The following SPG11 variants were observed in gnomAD, a reference collection of about 807,000 sequenced individuals.
The protein encoded by SPG11 is spatacsin.
A neutral mutation model predicts 274.0 loss-of-function variants in SPG11; 222 were observed. That is an observed-to-expected ratio of 0.81 (90% CI 0.73 to 0.91). The LOEUF is 0.91. Among genes scored for constraint, SPG11 ranks in the 40% least tolerant of loss-of-function variants. The pLI, the probability that SPG11 is intolerant of heterozygous loss-of-function variation, is 0.00. For missense variants in SPG11, 3,114 were observed against 2,872.7 expected (o/e 1.08, Z -1.92); for synonymous variants, 1,144 against 1,039.7 (o/e 1.10, Z -1.93).
intron 4 of SPG11, among the ~76,000 whole-genome samples, chr15:44,654,843 GAAAA>G: frequency 7.2e-6 from 1 of 139,564 alleles, no homozygotes. Context: ...TCTCAAAAAA[GAAAA>G]AAAAAAAGTT....
At chr15:44,602,718 G>A (rs1555452406) in intron 20 of SPG11, among the ~76,000 whole-genome samples, 5 of 151,858 alleles carry the variant, frequency 3.3e-5, no homozygotes, top group Non-Finnish European at 4.4e-5. Context: ...TCCTGACCTC[G>A]TGATCTACCC....
At chr15:44,601,071 G>C (rs2083173863) in intron 20 of SPG11, among the ~76,000 whole-genome samples, 1 of 152,112 alleles carries the variant, frequency 6.6e-6, no homozygotes, top group Non-Finnish European at 1.5e-5. Flanking sequence ...AGAATCACTT[G>C]AACCTGGGAG....
At chr15:44,658,784 G>A (rs2085015209) in intron 3 of SPG11, among the ~76,000 whole-genome samples, 1 of 151,972 alleles carries the variant, frequency 6.6e-6, no homozygotes, top group Non-Finnish European at 1.5e-5. Context: ...AGATATTCAA[G>A]AAATACATTT....
intron 13 of SPG11, 72 bp downstream of exon 13, chr15:44,622,139 AACTTGTGTT>A: frequency 6.7e-7 from 1 of 1,487,626 alleles, no homozygotes; most frequent in Non-Finnish European, 9.3e-7. Context: ...CCACATAAGA[AACTTGTGTT>A]CACTAACAAC....
At chr15:44,587,693 C>CCAAAAAAAAAAAAAA (rs2082797943) in intron 28 of SPG11, among the ~76,000 whole-genome samples, 2 of 34,052 alleles carry the variant, frequency 5.9e-5, no homozygotes, top group African/African-American at 3.5e-4. Flanking sequence ...CAGACTGTCT[C>CCAAAAAAAAAAAAAA]AAAAAAAAAA....
At chr15:44,600,674 C>T (rs766802725) in intron 20 of SPG11, 42 bp from the exon 21 acceptor site, 11 of 1,589,344 alleles carry the variant, frequency 6.9e-6, no homozygotes, top group Non-Finnish European at 9.5e-6. Flanking sequence ...TGTATATCAC[C>T]ATAATTAATT....
Position 44,572,797 on chromosome 15 carries a change from T to A in SPG11, c.6229A>T (p.Thr2077Ser). 6.2e-7 allele frequency: 1 copy of A among 1,614,018 alleles called. No individual in the cohort carries two copies. Among genetic ancestry groups the A allele is most frequent in the Non-Finnish European group, 8.5e-7 (1 of 1,179,990 alleles). Residue 2077 changes from threonine (T) to serine (S), a missense_variant, in exon 33 of 40, where the codon ACA becomes TCA. Coordinates refer to ENST00000261866, the MANE Select transcript of SPG11 (RefSeq NM_025137.4). ...GTGHKQMFNP[T>S]EESQTFLQLT... The stretch of plus-strand genomic sequence containing the variant: ...TGAAGAAATGTCTGGCTTTCCTCTG[T>A]TGGGTTGAACATCTGCTTATGTCCT...
At chr15:44,649,040 CA>C (rs751355363) in intron 6 of SPG11, 29 bp from the exon 7 acceptor site, 79 of 1,566,456 alleles carry the variant, frequency 5.0e-5, no homozygotes, top group Non-Finnish European at 6.9e-5. Context: ...TTAGCTTTAA[CA>C]AATTAGATTA....
chr15:44,660,382 G>C, intron 2 of SPG11, 50 bp downstream of exon 2: 1 of 1,534,030 alleles, frequency 6.5e-7, no homozygotes, highest in Non-Finnish European at 9.0e-7. Context: ...GTAACTACAT[G>C]GTAATGTCAC....
intron 4 of SPG11, 86 bp downstream of exon 4, chr15:44,657,008 TA>T (rs201913015): frequency 0.013 from 12,744 of 965,748 alleles, no homozygotes; most frequent in Non-Finnish European, 0.015. Flanking sequence ...AAACACTAGT[TA>T]AAAAAAAAAA....
intron 36 of SPG11, 28 bp from the exon 37 acceptor site, chr15:44,566,333 G>A (rs576390983): frequency 1.4e-5 from 23 of 1,600,660 alleles, no homozygotes; most frequent in African/African-American, 8.0e-5. Flanking sequence ...AAGATTTGCC[G>A]AGTCTGACTC....
chr15:44,658,160 C>T (rs2084994140), intron 3 of SPG11, among the ~76,000 whole-genome samples: 1 of 152,176 alleles, frequency 6.6e-6, no homozygotes, highest in African/African-American at 2.4e-5. Context: ...AACCTGGCAA[C>T]AATAATTGTT....
At chr15:44,596,965 G>A in intron 23 of SPG11, 22 bp from the exon 24 acceptor site, 1 of 1,613,212 alleles carries the variant, frequency 6.2e-7, no homozygotes. Flanking sequence ...ATTAGAGGTG[G>A]GGGTGGTCAA....
At position 44,615,496 on chromosome 15, in the gene SPG11, C is replaced by G; in HGVS notation, c.2905G>C (p.Gly969Arg). The change falls in exon 16 of 40, where the codon GGT becomes CGT. Residue 969 changes from glycine to arginine, a missense_variant. By Grantham distance (125) the Gly-to-Arg change is moderately radical. Coordinates refer to ENST00000261866, the MANE Select transcript of SPG11 (RefSeq NM_025137.4). The part of the protein sequence containing the change: ...CFLLRLSRIG[G>R]VIQDTLPVQN... Reference sequence around the variant, plus strand: ...ACAGGGAGGGTATCCTGTATTACACCTCCAATACGGCTCAGTCTTAGGAGG... The same window carrying G: ...ACAGGGAGGGTATCCTGTATTACACGTCCAATACGGCTCAGTCTTAGGAGG... 6.2e-7 allele frequency: 1 copy of G among 1,614,018 alleles called. No homozygotes were observed. Among genetic ancestry groups the G allele is most frequent in the South Asian group, 1.1e-5 (1 of 91,078 alleles).
intron 22 of SPG11, 117 bp downstream of exon 22, chr15:44,598,514 C>A (rs2083101555): frequency 2.4e-5 from 31 of 1,283,840 alleles, no homozygotes; most frequent in Non-Finnish European, 3.4e-5. Context: ...ACACACTCTG[C>A]AGGAAAAGGA....
chr15:44,615,665 C>T, intron 15 of SPG11, 99 bp from the exon 16 acceptor site: 1 of 1,067,338 alleles, frequency 9.4e-7, no homozygotes, highest in Non-Finnish European at 1.4e-6. Context: ...TAAAAATAAG[C>T]ATTTACAAAT....
At chr15:44,616,704 T>C (rs1372002322) in intron 15 of SPG11, among the ~76,000 whole-genome samples, 2 of 152,206 alleles carry the variant, frequency 1.3e-5, no homozygotes, top group Admixed American at 6.5e-5. Context: ...TATTCCATTG[T>C]ATGAATATAC....
intron 7 of SPG11, among the ~76,000 whole-genome samples, chr15:44,638,523 CA>C (rs1488433984): frequency 1.5e-5 from 2 of 136,958 alleles, no homozygotes; most frequent in Admixed American, 1.5e-4. Flanking sequence ...ACACACACAA[CA>C]AAAAAACAAA....
intron 26 of SPG11, 109 bp downstream of exon 26, chr15:44,595,148 ATC>A (rs2083002152): frequency 9.6e-7 from 1 of 1,039,840 alleles, no homozygotes; most frequent in South Asian, 1.4e-5. Context: ...TATCATCATT[ATC>A]TGTTGTTGGC....
Sources: gnomAD v4.1 joint callset for allele counts (sites outside exome capture counted in the v4.1 genomes callset) on GRCh38, gnomAD v4.1.1 for gene constraint, MANE v1.5 for transcripts, NCBI Gene and HGNC (gene_info 2026-07-23, HGNC 2026-07-21) for gene names.